The following UGT2B17 variants were observed in gnomAD, a reference collection of about 807,000 sequenced individuals.
UGT2B17 encodes the protein UDP-glucuronosyltransferase 2B17.
A neutral mutation model predicts 48.2 loss-of-function variants in UGT2B17; 21 were observed. That is an observed-to-expected ratio of 0.44 (90% CI 0.31 to 0.63). UGT2B17 has a LOEUF of 0.63. Ranked by LOEUF, UGT2B17 falls within the 20% of genes least tolerant of loss-of-function variation. UGT2B17 has a pLI of 0.08. For missense variants in UGT2B17, 402 were observed against 696.1 expected (o/e 0.58, Z 4.75); for synonymous variants, 146 against 238.4 (o/e 0.61, Z 3.57).
At chr4:68,562,228 G>C (rs1731117013) in intron 3 of UGT2B17, among the ~76,000 whole-genome samples, 1 of 124,276 alleles carries the variant, frequency 8.0e-6, no homozygotes. Context: ...CAATTCTCCT[G>C]CCTCAGCCTC....
In UGT2B17 at chr4:68,567,981, G is replaced by A. The variant is rs762981227; in HGVS notation, c.504C>T (p.Pro168=). The A allele has an allele frequency of 3.1e-5, 43 of 1,381,916 alleles. 13 individuals are homozygous for A. The highest frequency in any genetic ancestry group is 1.4e-4 in the Admixed American group (7 of 50,310). 85.6% of individuals were successfully genotyped at this position (1,381,916 alleles called of 1,614,324 possible). ...CAGAGAAGCGGAGACTGTACAGAAA[G>A]GGTATGTTAAGTAGCTCAGCCAGCA... ...GELLAELLNI[P]FLYSLRFSVG... The change falls in exon 2 of 7, where the codon CCC becomes CCT. Residue 168 remains proline (P), a synonymous_variant. Transcript: ENST00000317746.
At position 68,575,576 on chromosome 4, in the gene UGT2B17, C is replaced by G. The variant is rs1486995572; in HGVS notation, c.-65+375G>C. On this transcript the variant is annotated intron_variant, in intron 1 of 6. Transcript: ENST00000317746. ...TGTTTTTTTGAGACAAAACACCATG[C>G]TCACAGCACACACACACCACAAAAC... Among the ~76,000 whole-genome samples the G allele has an allele frequency of 3.2e-5, 4 of 125,742 alleles. 2 individuals are homozygous for G. The East Asian group carries it at 3.0e-3, about 96-fold the overall frequency. 82.5% of individuals were successfully genotyped at this position (125,742 alleles called of 152,430 possible).
At chr4:68,552,138 A>T (rs1730927458) in intron 4 of UGT2B17, among the ~76,000 whole-genome samples, 1 of 126,480 alleles carries the variant, frequency 7.9e-6, no homozygotes, top group Non-Finnish European at 1.7e-5. Context: ...TGACATTTCT[A>T]ACTTAATAGC....
chr4:68,547,737 C>G (rs925007384), intron 6 of UGT2B17, among the ~76,000 whole-genome samples: 2 of 122,688 alleles, frequency 1.6e-5, no homozygotes, highest in African/African-American at 2.7e-5. Context: ...AAGAAAAAAA[C>G]AAACAACCTC....
chr4:68,554,837 A>G (rs1407010669), intron 4 of UGT2B17, among the ~76,000 whole-genome samples: 1 of 125,584 alleles, frequency 8.0e-6, no homozygotes, highest in Non-Finnish European at 1.7e-5. Context: ...CTATTGAAAC[A>G]GGTTATCAAG....
At chr4:68,574,370 A>G (rs1731337325) in intron 1 of UGT2B17, among the ~76,000 whole-genome samples, 1 of 126,720 alleles carries the variant, frequency 7.9e-6, no homozygotes, top group Admixed American at 8.0e-5. Flanking sequence ...AACCTTGTAG[A>G]CATATTTATC....
rs777461659 is a variant in UGT2B17, at chr4:68,542,063, C to T, written c.1314-4159G>A. Among the ~76,000 whole-genome samples, 8 of 124,726 alleles carry T rather than the reference C, an allele frequency of 6.4e-5. 1 individual carries two copies. Among genetic ancestry groups the T allele is most frequent in the Non-Finnish European group, 1.4e-4 (8 of 59,094 alleles). The allele number at this position is 124,726 out of a possible 152,430, so 81.8% of individuals were successfully genotyped here. ...TTACTGTAAGGTGTAAGGAAGGGAT[C>T]CAGTTGCAGTTTTCTCCATATGGCT... On this transcript the variant is annotated intron_variant, in intron 6 of 6. Coordinates refer to ENST00000317746, the MANE Select transcript of UGT2B17 (RefSeq NM_001077.4).
Position 68,567,982 on chromosome 4 carries a change from G to T in UGT2B17, c.503C>A (p.Pro168His), listed in dbSNP as rs768734870. The change falls in exon 2 of 7, where the codon CCC becomes CAC. Residue 168 changes from proline to histidine, a missense_variant. By Grantham distance (77) the Pro-to-His change is moderately conservative (BLOSUM62 -2). This residue lies in a region of UGT2B17 where 106 missense variants were observed against 169.8 expected (regional missense o/e 0.62). Coordinates refer to ENST00000317746, the MANE Select transcript of UGT2B17 (RefSeq NM_001077.4). ...AGAGAAGCGGAGACTGTACAGAAAGGGTATGTTAAGTAGCTCAGCCAGCAG... is the reference window on the plus strand; with the variant it reads ...AGAGAAGCGGAGACTGTACAGAAAGTGTATGTTAAGTAGCTCAGCCAGCAG... ...GELLAELLNIPFLYSLRFSVG... is the reference protein window; with the variant it reads ...GELLAELLNIHFLYSLRFSVG... The T allele has an allele frequency of 9.4e-6, 13 of 1,381,608 alleles. 5 individuals are homozygous for T. Among genetic ancestry groups the T allele is most frequent in the Non-Finnish European group, 1.2e-5 (13 of 1,055,164 alleles). 85.6% of individuals were successfully genotyped at this position (1,381,608 alleles called of 1,614,324 possible).
Position 68,565,410 on chromosome 4 carries a change from A to C in UGT2B17, c.873+162T>G, listed in dbSNP as rs1389338581. 1.6e-5 allele frequency among the ~76,000 whole-genome samples: 2 copies of C among 126,134 alleles called. 1 individual carries two copies. The highest frequency in any genetic ancestry group is 3.4e-5 in the Non-Finnish European group (2 of 59,638). 82.7% of individuals were successfully genotyped at this position (126,134 alleles called of 152,430 possible). A position where few individuals can be genotyped will look rare whatever the true frequency, so the allele number is the denominator to read the frequency against. ...TTGGTCTTTAATGATAATAACATTCACATACTTGTGATAGTATAGAAATAT... is the reference window on the plus strand; with the variant it reads ...TTGGTCTTTAATGATAATAACATTCCCATACTTGTGATAGTATAGAAATAT... On this transcript the variant is annotated intron_variant, in intron 3 of 6. Transcript: ENST00000317746.
At chr4:68,538,834 G>T (rs1233882071) in intron 6 of UGT2B17, among the ~76,000 whole-genome samples, 1 of 125,712 alleles carries the variant, frequency 8.0e-6, no homozygotes, top group Admixed American at 8.2e-5. Context: ...GCCTTCTGTT[G>T]TTCTTTAAAC....
rs1324206780 is a variant in UGT2B17, at chr4:68,564,509, A to C, written c.873+1063T>G. On this transcript the variant is annotated intron_variant, in intron 3 of 6. Transcript: ENST00000317746. Reference sequence around the variant, plus strand: ...TCACCATGCTGGCCAGTCTGGTCTCAAACTCCTGACCTCAGGCGATCCGCC... The same window carrying C: ...TCACCATGCTGGCCAGTCTGGTCTCCAACTCCTGACCTCAGGCGATCCGCC... Among the ~76,000 whole-genome samples, 5 of 121,454 alleles carry C rather than the reference A, an allele frequency of 4.1e-5. 2 individuals carry two copies. Among genetic ancestry groups the C allele is most frequent in the African/African-American group, 1.4e-4 (5 of 35,302 alleles). The allele number at this position is 121,454 out of a possible 152,430, so 79.7% of individuals were successfully genotyped here.
chr4:68,545,571 A>C (rs1321642687), intron 6 of UGT2B17, among the ~76,000 whole-genome samples: 1 of 125,618 alleles, frequency 8.0e-6, no homozygotes, highest in Non-Finnish European at 1.7e-5. Flanking sequence ...AAATAACTAA[A>C]ATCAGAGCAG....
rs78998153 is a variant in UGT2B17, at chr4:68,537,308, T to A, written c.*317A>T. ...TGAGTGGAGTTGTTAATGTTTTGTG[T>A]TCAAATACAATGTGTGAAACATAAG... On this transcript the variant is annotated 3_prime_UTR_variant, in exon 7 of 7. Coordinates refer to ENST00000317746, the MANE Select transcript of UGT2B17 (RefSeq NM_001077.4). 0.13 allele frequency: 20,092 copies of A among 151,766 alleles called. 5,107 individuals carry two copies. Among genetic ancestry groups the A allele is most frequent in the Middle Eastern group, 0.27 (90 of 334 alleles). 9.4% of individuals were successfully genotyped at this position (151,766 alleles called of 1,614,324 possible). A position where few individuals can be genotyped will look rare whatever the true frequency, so the allele number is the denominator to read the frequency against.
intron 3 of UGT2B17, among the ~76,000 whole-genome samples, chr4:68,560,958 A>G (rs191160465): frequency 0.011 from 1,421 of 125,276 alleles, 231 homozygotes; most frequent in African/African-American, 0.035. Flanking sequence ...GCTAGAAAAT[A>G]TTACACCCAG....
intron 4 of UGT2B17, among the ~76,000 whole-genome samples, chr4:68,556,318 G>A (rs1427026953): frequency 8.3e-6 from 1 of 120,118 alleles, no homozygotes; most frequent in Non-Finnish European, 1.7e-5. Context: ...ACTGTTTTTG[G>A]TTTTCTCTCC....
Position 68,565,666 on chromosome 4 carries a change from C to T in UGT2B17, c.779G>A (p.Arg260Gln), listed in dbSNP as rs761589022. Residue 260 changes from arginine to glutamine, a missense_variant, in exon 3 of 7, where the codon CGA becomes CAA. By Grantham distance (43) the Arg-to-Gln change is conservative. Coordinates refer to ENST00000317746, the MANE Select transcript of UGT2B17 (RefSeq NM_001077.4). The stretch of plus-strand genomic sequence containing the variant: ...AGGAAATTCAAAATCCCAATAGGTT[C>T]GAATGAGCCACATTTCAGCTTTCCC... ...TMGKAEMWLI[R>Q]TYWDFEFPRP... is the part of the protein sequence containing the mutation. 23 of 1,365,786 alleles carry T rather than the reference C, an allele frequency of 1.7e-5. 6 individuals carry two copies. Among genetic ancestry groups the T allele is most frequent in the Non-Finnish European group, 2.1e-5 (22 of 1,047,890 alleles). The allele number at this position is 1,365,786 out of a possible 1,614,324, so 84.6% of individuals were successfully genotyped here.
At chr4:68,548,065 C>T (rs1302914800) in intron 6 of UGT2B17, among the ~76,000 whole-genome samples, 1 of 126,532 alleles carries the variant, frequency 7.9e-6, no homozygotes, top group Non-Finnish European at 1.7e-5. Flanking sequence ...TCTAGCATTC[C>T]CATTACTGGG....
rs1453591553 is a variant in UGT2B17 at position 68,570,428 on chromosome 4, C to G, written c.-64-1880G>C. Among the ~76,000 whole-genome samples, 3 of 126,512 alleles carry G rather than the reference C, an allele frequency of 2.4e-5. 1 individual carries two copies. The highest frequency in any genetic ancestry group is 5.0e-5 in the Non-Finnish European group (3 of 59,530). 83.0% of individuals were successfully genotyped at this position (126,512 alleles called of 152,430 possible). A position where few individuals can be genotyped will look rare whatever the true frequency, so the allele number is the denominator to read the frequency against. Reference sequence around the variant, plus strand: ...CTACTGGGTTTAGGTCAGGCAGGCCCAGGCCTGGTTTCAGGCCTGGAGCCA... The same window carrying G: ...CTACTGGGTTTAGGTCAGGCAGGCCGAGGCCTGGTTTCAGGCCTGGAGCCA... On this transcript the variant is annotated intron_variant, in intron 1 of 6. Transcript: ENST00000317746.
chr4:68,551,047 G>T (rs1325981387), intron 5 of UGT2B17, 151 bp from the exon 6 acceptor site: 8 of 655,238 alleles, frequency 1.2e-5, no homozygotes, highest in Middle Eastern at 6.7e-4. Flanking sequence ...AATTTCAGAG[G>T]AAGAAGCACC....
Sources: allele counts gnomAD v4.1 joint callset (sites outside exome capture counted in the v4.1 genomes callset), GRCh38; gene constraint gnomAD v4.1.1; regional missense constraint gnomAD v4.1.1; transcripts MANE v1.5; gene names NCBI Gene and HGNC (gene_info 2026-07-23, HGNC 2026-07-21).